Variants in PCP4 observed in about 807,000 individuals in gnomAD.
PCP4 encodes Purkinje cell protein 4.
A neutral mutation model predicts 10.0 loss-of-function variants in PCP4; 8 were observed. The ratio of observed to expected loss-of-function variants is 0.80; its 90% confidence interval spans 0.47 to 1.45. The LOEUF (loss-of-function observed/expected upper bound fraction) is 1.45, where lower values mean the gene tolerates loss of function less well. Ranked by LOEUF, PCP4 falls within the 40% of genes most tolerant of loss-of-function variation. PCP4 has a pLI of 0.00. For synonymous variants in PCP4, 21 were observed against 23.0 expected (o/e 0.91, Z 0.24); for missense variants, 54 against 74.4 (o/e 0.73, Z 1.01).
At position 39,906,211 on chromosome 21, in the gene PCP4, C is replaced by T. The variant is rs1299217579; in HGVS notation, c.61+7684C>T. Among the ~76,000 whole-genome samples the T allele has an allele frequency of 6.6e-6, 1 of 152,206 alleles. No homozygotes were observed. Among genetic ancestry groups the T allele is most frequent in the East Asian group, 1.9e-4 (1 of 5,184 alleles). ...TCATCTGACCCACAGTCCAAACACA[C>T]CAGGTTGTCTCTATTTACACTTTCT... On this transcript the variant is annotated intron_variant, in intron 2 of 2. Transcript: ENST00000328619. This position sits in a 1 kb window ranked among gnomAD's most constrained non-coding sequence, Gnocchi z 6.3.
intron 2 of PCP4, among the ~76,000 whole-genome samples, chr21:39,917,840 C>T (rs1415126604): frequency 6.6e-6 from 1 of 152,086 alleles, no homozygotes; most frequent in Non-Finnish European, 1.5e-5. Flanking sequence ...AGAATGTGAT[C>T]TTATTTGGAG....
At chr21:39,921,355 C>A (rs1428000070) in intron 2 of PCP4, among the ~76,000 whole-genome samples, 2 of 152,200 alleles carry the variant, frequency 1.3e-5, no homozygotes, top group Admixed American at 1.3e-4. Context: ...CAGGCTTGGC[C>A]AGTCTTCACG....
chr21:39,889,486 G>C (rs943330394), intron 1 of PCP4, among the ~76,000 whole-genome samples: 5 of 141,638 alleles, frequency 3.5e-5, no homozygotes, highest in Non-Finnish European at 7.5e-5. Context: ...GCACGATCTC[G>C]GCTCACTGCA....
chr21:39,905,174 A>G (rs1399600105), intron 2 of PCP4, among the ~76,000 whole-genome samples: 2 of 152,154 alleles, frequency 1.3e-5, no homozygotes, highest in Admixed American at 1.3e-4. Flanking sequence ...CCTTCAAGGT[A>G]AAAACTCAAA....
intron 2 of PCP4, among the ~76,000 whole-genome samples, chr21:39,900,304 G>C (rs554625485): frequency 8.5e-5 from 13 of 152,200 alleles, no homozygotes; most frequent in Middle Eastern, 3.4e-3. Flanking sequence ...CAAAGTGGTG[G>C]GATTACAGGT....
At chr21:39,926,716 T>C (rs765369217) in intron 2 of PCP4, among the ~76,000 whole-genome samples, 1 of 152,206 alleles carries the variant, frequency 6.6e-6, no homozygotes, top group Non-Finnish European at 1.5e-5. Flanking sequence ...ACACTTGACC[T>C]CCAGTCCCAG....
intron 1 of PCP4, among the ~76,000 whole-genome samples, chr21:39,872,118 C>A (rs907886411): frequency 1.3e-5 from 2 of 152,146 alleles, no homozygotes; most frequent in African/African-American, 4.8e-5. Flanking sequence ...CCTGTCTCAG[C>A]CTCCTGAGTA....
At chr21:39,910,001 G>C (rs961824728) in intron 2 of PCP4, among the ~76,000 whole-genome samples, 6 of 152,024 alleles carry the variant, frequency 3.9e-5, no homozygotes, top group African/African-American at 1.4e-4. Flanking sequence ...TCTCCATGTT[G>C]TTCAGGCTGG....
At chr21:39,888,195 G>A (rs1168925181) in intron 1 of PCP4, among the ~76,000 whole-genome samples, 1 of 152,204 alleles carries the variant, frequency 6.6e-6, no homozygotes, top group Non-Finnish European at 1.5e-5. Flanking sequence ...AGTAGCACTT[G>A]CTAACAAGAG....
intron 1 of PCP4, among the ~76,000 whole-genome samples, chr21:39,882,074 C>G (rs143816818): frequency 1.3e-3 from 205 of 152,362 alleles, no homozygotes; most frequent in African/African-American, 4.9e-3. Flanking sequence ...AAAAACATAG[C>G]TGCTTGCATT....
At chr21:39,905,493 A>G (rs2087502570) in intron 2 of PCP4, among the ~76,000 whole-genome samples, 2 of 152,174 alleles carry the variant, frequency 1.3e-5, no homozygotes, top group Non-Finnish European at 2.9e-5. Context: ...TCAACAAGTG[A>G]GCTGATTCTG....
chr21:39,907,503 G>C (rs1161571394), intron 2 of PCP4, among the ~76,000 whole-genome samples: 1 of 152,106 alleles, frequency 6.6e-6, no homozygotes, highest in Non-Finnish European at 1.5e-5. Context: ...GAGACTAGTA[G>C]GTTGCTAGAA....
At chr21:39,874,783 A>G (rs1486008156) in intron 1 of PCP4, among the ~76,000 whole-genome samples, 1 of 152,000 alleles carries the variant, frequency 6.6e-6, no homozygotes, top group Non-Finnish European at 1.5e-5. Flanking sequence ...TCTTATGTAC[A>G]GTAGCTCCCC....
At chr21:39,888,640 A>T (rs1309864164) in intron 1 of PCP4, among the ~76,000 whole-genome samples, 1 of 152,204 alleles carries the variant, frequency 6.6e-6, no homozygotes, top group African/African-American at 2.4e-5. Context: ...CCCGATGTCA[A>T]TCATTCTTGG....
intron 2 of PCP4, chr21:39,916,104 G>A (rs1336808211): frequency 1.3e-5 from 2 of 152,112 alleles, no homozygotes; most frequent in East Asian, 3.9e-4. Flanking sequence ...CTTTTCTGTG[G>A]TTTGCTGTTG....
intron 2 of PCP4, among the ~76,000 whole-genome samples, chr21:39,898,817 G>A (rs763715574): frequency 6.6e-6 from 1 of 152,206 alleles, no homozygotes; most frequent in African/African-American, 2.4e-5. Context: ...TCATTAGGGT[G>A]GGTGAGAATC....
rs1363895978 is a variant in PCP4, at chr21:39,906,467, C to CA, written c.61+7943dup. The stretch of plus-strand genomic sequence containing the variant: ...ATGATAGTTTTCAAAATTAAAACAT[C>CA]AAAGCAACATGTTCATTTATAGCCT... On this transcript the variant is annotated intron_variant, in intron 2 of 2. Coordinates refer to ENST00000328619, the MANE Select transcript of PCP4 (RefSeq NM_006198.3). This position sits in a 1 kb window ranked among gnomAD's most constrained non-coding sequence, Gnocchi z 6.3. Among the ~76,000 whole-genome samples, 1 of 152,158 alleles carries CA rather than the reference C, an allele frequency of 6.6e-6. No homozygotes were observed. Among genetic ancestry groups the CA allele is most frequent in the Non-Finnish European group, 1.5e-5 (1 of 68,024 alleles).
intron 2 of PCP4, among the ~76,000 whole-genome samples, chr21:39,919,000 T>C (rs913996566): frequency 4.6e-5 from 7 of 152,246 alleles, no homozygotes; most frequent in African/African-American, 7.2e-5. Flanking sequence ...TTGTTATAAT[T>C]TTTTTTCCTC....
At chr21:39,919,268 A>G (rs141020955) in intron 2 of PCP4, among the ~76,000 whole-genome samples, 104 of 152,362 alleles carry the variant, frequency 6.8e-4, no homozygotes, top group African/African-American at 1.1e-3. Context: ...CTCCGCATCA[A>G]TTAGCTTAAT....
Sources: allele counts gnomAD v4.1 joint callset (sites outside exome capture counted in the v4.1 genomes callset), GRCh38; gene constraint gnomAD v4.1.1; non-coding constraint Gnocchi (gnomAD v3.1); transcripts MANE v1.5; gene names NCBI Gene and HGNC (gene_info 2026-07-23, HGNC 2026-07-21).